The following ADCY2 variants were observed in gnomAD, a reference collection of about 807,000 sequenced individuals.
The protein encoded by ADCY2 is adenylate cyclase 2.
Under a neutral mutation model 125.2 loss-of-function variants are expected in ADCY2, and 31 were observed. That is an observed-to-expected ratio of 0.25 (90% CI 0.19 to 0.33). ADCY2 has a LOEUF of 0.33. ADCY2 is among the 10% of genes least tolerant of loss of function. ADCY2 has a pLI of 1.00. For missense variants in ADCY2, 904 were observed against 1,418.2 expected (o/e 0.64, Z 5.82); for synonymous variants, 512 against 548.4 (o/e 0.93, Z 0.93).
intron 4 of ADCY2, among the ~76,000 whole-genome samples, chr5:7,633,590 A>G (rs929972122): frequency 2.0e-5 from 3 of 152,248 alleles, no homozygotes; most frequent in African/African-American, 7.2e-5. Context: ...GCCAAATGAT[A>G]AAATTAAACC....
At chr5:7,581,867 G>A (rs1225067281) in intron 3 of ADCY2, among the ~76,000 whole-genome samples, 8 of 151,336 alleles carry the variant, frequency 5.3e-5, no homozygotes, top group African/African-American at 1.9e-4. Flanking sequence ...AGAAAAAGAG[G>A]AATGTAAAAC....
intron 2 of ADCY2, among the ~76,000 whole-genome samples, chr5:7,440,580 C>T (rs1740976195): frequency 6.6e-6 from 1 of 152,112 alleles, no homozygotes; most frequent in Non-Finnish European, 1.5e-5. Flanking sequence ...CCTTATTCAG[C>T]CTAATTCAGC....
intron 4 of ADCY2, among the ~76,000 whole-genome samples, chr5:7,645,318 C>A (rs2126677366): frequency 6.6e-6 from 1 of 152,258 alleles, no homozygotes; most frequent in Non-Finnish European, 1.5e-5. Flanking sequence ...TGGTGTGTTC[C>A]TGGATTCACT....
At position 7,643,962 on chromosome 5, in the gene ADCY2, TAAC is replaced by T. The variant is rs546578587; in HGVS notation, c.720+17649_720+17651del. Among the ~76,000 whole-genome samples the T allele has an allele frequency of 1.4e-3, 218 of 152,108 alleles. 1 individual carries two copies. Among genetic ancestry groups the T allele is most frequent in the African/African-American group, 5.0e-3 (206 of 41,558 alleles). ...CATCTTAGAATACCTTACCACATTT[TAAC>T]AATATAATTATTTTTTATTAAATGG... is the stretch of plus-strand genomic sequence containing the variant. On this transcript the variant is annotated intron_variant, in intron 4 of 24. Coordinates refer to ENST00000338316, the MANE Select transcript of ADCY2 (RefSeq NM_020546.3).
intron 7 of ADCY2, among the ~76,000 whole-genome samples, chr5:7,702,563 C>A (rs564861457): frequency 6.6e-6 from 1 of 152,148 alleles, no homozygotes; most frequent in South Asian, 2.1e-4. Context: ...TGAACTCATC[C>A]TTTTTATGGC....
chr5:7,472,407 A>G (rs1742374763), intron 2 of ADCY2, among the ~76,000 whole-genome samples: 1 of 152,028 alleles, frequency 6.6e-6, no homozygotes, highest in African/African-American at 2.4e-5. Flanking sequence ...CCATATGTTT[A>G]TAGATTTTGC....
intron 3 of ADCY2, among the ~76,000 whole-genome samples, chr5:7,582,664 A>G (rs928268637): frequency 1.3e-5 from 2 of 152,188 alleles, no homozygotes; most frequent in Non-Finnish European, 2.9e-5. Context: ...GGAGAATTAC[A>G]TGGCAAAATT....
At chr5:7,727,672 C>T (rs1181859433) in intron 14 of ADCY2, among the ~76,000 whole-genome samples, 1 of 151,920 alleles carries the variant, frequency 6.6e-6, no homozygotes, top group East Asian at 1.9e-4. Context: ...CACACTTTGC[C>T]CACCCATCCA....
chr5:7,453,466 G>A (rs1018366389), intron 2 of ADCY2, among the ~76,000 whole-genome samples: 4 of 152,192 alleles, frequency 2.6e-5, no homozygotes, highest in African/African-American at 9.7e-5. Flanking sequence ...GTTACTGGCG[G>A]TGAATCCCTG....
chr5:7,461,522 C>A (rs1211467093), intron 2 of ADCY2, among the ~76,000 whole-genome samples: 1 of 152,192 alleles, frequency 6.6e-6, no homozygotes, highest in Non-Finnish European at 1.5e-5. Flanking sequence ...TTATAAGCTG[C>A]CTTGAAGCTA....
intron 2 of ADCY2, among the ~76,000 whole-genome samples, chr5:7,454,101 G>C (rs1329387639): frequency 6.6e-6 from 1 of 152,172 alleles, no homozygotes; most frequent in African/African-American, 2.4e-5. Flanking sequence ...GACATTTCTA[G>C]TTGGGTGGGG....
chr5:7,776,734 C>T lies in ADCY2; in HGVS notation c.2384+3633C>T, dbSNP rs1743740472. On this transcript the variant is annotated intron_variant, in intron 18 of 24. Coordinates refer to ENST00000338316, the MANE Select transcript of ADCY2 (RefSeq NM_020546.3). The stretch of plus-strand genomic sequence containing the variant: ...CCACCCAATCAGCTGCCAGCACAAC[C>T]AGAACAAAGCAGGTGAAAGAAGAAT... Among the ~76,000 whole-genome samples the T allele has an allele frequency of 3.3e-5, 5 of 152,158 alleles. No homozygotes were observed. In the South Asian group the frequency reaches 1.0e-3, roughly 32 times the overall value.
chr5:7,458,380 T>G (rs1026953006), intron 2 of ADCY2, among the ~76,000 whole-genome samples: 4 of 152,248 alleles, frequency 2.6e-5, no homozygotes, highest in Non-Finnish European at 5.9e-5. Flanking sequence ...TTAACTTGCA[T>G]TAACTTGCAG....
At chr5:7,556,218 T>G (rs1735502899) in intron 3 of ADCY2, among the ~76,000 whole-genome samples, 1 of 152,220 alleles carries the variant, frequency 6.6e-6, no homozygotes, top group Non-Finnish European at 1.5e-5. Flanking sequence ...TTACACATAT[T>G]GATTGCATCT....
At chr5:7,523,793 TG>T (rs1244322760) in intron 3 of ADCY2, among the ~76,000 whole-genome samples, 1 of 152,226 alleles carries the variant, frequency 6.6e-6, no homozygotes, top group African/African-American at 2.4e-5. Context: ...AATTGTTGAA[TG>T]TAACACTATG....
chr5:7,543,602 T>A (rs1169478155), intron 3 of ADCY2, among the ~76,000 whole-genome samples: 1 of 152,124 alleles, frequency 6.6e-6, no homozygotes, highest in East Asian at 1.9e-4. Flanking sequence ...GCAAGAGTAA[T>A]TGCAAAAACC....
At chr5:7,800,674 A>C (rs1033201513) in intron 20 of ADCY2, 1 of 152,144 alleles carries the variant, frequency 6.6e-6, no homozygotes, top group African/African-American at 2.4e-5. Flanking sequence ...AAAGAAAAAA[A>C]AGTATGTCCT....
chr5:7,531,078 T>C (rs1734625126), intron 3 of ADCY2, among the ~76,000 whole-genome samples: 1 of 152,112 alleles, frequency 6.6e-6, no homozygotes, highest in Non-Finnish European at 1.5e-5. Context: ...GGGTCTGAGC[T>C]CCTGAAGGTT....
At chr5:7,689,886 T>C (rs540965842) in intron 4 of ADCY2, among the ~76,000 whole-genome samples, 27 of 152,226 alleles carry the variant, frequency 1.8e-4, no homozygotes, top group Non-Finnish European at 3.7e-4. Context: ...TTCTCCAGGA[T>C]GGATATATGT....
Sources: gnomAD v4.1 joint callset for allele counts (sites outside exome capture counted in the v4.1 genomes callset) on GRCh38, gnomAD v4.1.1 for gene constraint, MANE v1.5 for transcripts, NCBI Gene and HGNC (gene_info 2026-07-23, HGNC 2026-07-21) for gene names.